Variants in NIM1K observed in about 807,000 individuals in gnomAD.
NIM1K encodes the protein serine/threonine-protein kinase NIM1.
NIM1K carries 35 observed loss-of-function variants against 37.1 expected under a neutral mutation model. The observed-to-expected ratio is 0.94, with a 90% CI of 0.72 to 1.25. The LOEUF (loss-of-function observed/expected upper bound fraction) is 1.25. Among genes scored for constraint, NIM1K ranks in the 50% most tolerant of loss-of-function variants. NIM1K has a pLI of 0.00. For missense variants in NIM1K, 564 were observed against 548.0 expected (o/e 1.03, Z -0.29); for synonymous variants, 234 against 206.6 (o/e 1.13, Z -1.14).
At chr5:43,231,229 A>G (rs1214373808) in intron 1 of NIM1K, among the ~76,000 whole-genome samples, 1 of 152,206 alleles carries the variant, frequency 6.6e-6, no homozygotes, top group African/African-American at 2.4e-5. Context: ...AGTTGGGTGG[A>G]TTGCTTGGGT....
chr5:43,276,135 C>T (rs1313067448), intron 2 of NIM1K, among the ~76,000 whole-genome samples: 5 of 152,112 alleles, frequency 3.3e-5, no homozygotes, highest in Non-Finnish European at 5.9e-5. Flanking sequence ...CCTCGTGATC[C>T]TCCCGCCTTG....
At chr5:43,219,609 C>A (rs556388841) in intron 1 of NIM1K, among the ~76,000 whole-genome samples, 1 of 152,248 alleles carries the variant, frequency 6.6e-6, no homozygotes, top group East Asian at 1.9e-4. Context: ...GATATTAAAA[C>A]AATTATTGAG....
chr5:43,268,647 G>A (rs924051628), intron 2 of NIM1K, among the ~76,000 whole-genome samples: 3 of 152,200 alleles, frequency 2.0e-5, no homozygotes, highest in African/African-American at 4.8e-5. Flanking sequence ...TTGCATATCT[G>A]TGACCTCTGG....
intron 1 of NIM1K, among the ~76,000 whole-genome samples, chr5:43,223,128 G>A (rs1254887656): frequency 7.2e-5 from 8 of 111,834 alleles, no homozygotes; most frequent in Non-Finnish European, 1.1e-4. Flanking sequence ...AACAGAGCGA[G>A]ACTCCATCTC....
chr5:43,230,625 G>C (rs1561080488), intron 1 of NIM1K, among the ~76,000 whole-genome samples: 1 of 152,200 alleles, frequency 6.6e-6, no homozygotes, highest in Non-Finnish European at 1.5e-5. Flanking sequence ...CACTCCACAG[G>C]CCAATTCAAT....
intron 2 of NIM1K, among the ~76,000 whole-genome samples, chr5:43,274,374 C>T (rs1003301086): frequency 3.4e-5 from 5 of 148,098 alleles, no homozygotes; most frequent in Non-Finnish European, 6.0e-5. Flanking sequence ...AGTGATGATA[C>T]CTTAACTGAC....
intron 2 of NIM1K, among the ~76,000 whole-genome samples, chr5:43,266,549 C>G (rs1022394528): frequency 6.6e-6 from 1 of 152,194 alleles, no homozygotes; most frequent in African/African-American, 2.4e-5. Flanking sequence ...AAAGGGGATT[C>G]CCTGACCCCT....
intron 3 of NIM1K, 80 bp downstream of exon 3, chr5:43,277,405 A>C: frequency 8.9e-6 from 13 of 1,461,840 alleles, no homozygotes; most frequent in East Asian, 2.3e-5. Context: ...ACTAACCCTC[A>C]AGTGTCCCAG....
intron 2 of NIM1K, among the ~76,000 whole-genome samples, chr5:43,262,802 G>T (rs539899987): frequency 6.6e-6 from 1 of 152,206 alleles, no homozygotes; most frequent in South Asian, 2.1e-4. Flanking sequence ...ATTTTATTGA[G>T]AATTTTTAGC....
intron 2 of NIM1K, among the ~76,000 whole-genome samples, chr5:43,270,185 C>G (rs868448294): frequency 1.3e-5 from 2 of 152,194 alleles, no homozygotes; most frequent in African/African-American, 4.8e-5. Flanking sequence ...GGACCCCAAT[C>G]CCTTCTGGCT....
intron 1 of NIM1K, among the ~76,000 whole-genome samples, chr5:43,221,267 G>C (rs754724953): frequency 1.6e-4 from 25 of 151,946 alleles, no homozygotes; most frequent in Non-Finnish European, 3.2e-4. Flanking sequence ...TTGACGTCAG[G>C]AGTTCGAGAC....
At chr5:43,215,009 A>C (rs554929951) in intron 1 of NIM1K, among the ~76,000 whole-genome samples, 43 of 152,242 alleles carry the variant, frequency 2.8e-4, no homozygotes, top group African/African-American at 1.0e-3. Context: ...GAATATTTTT[A>C]TGTTCAGGCT....
chr5:43,248,851 C>CT (rs34309370), intron 2 of NIM1K, among the ~76,000 whole-genome samples: 163 of 145,910 alleles, frequency 1.1e-3, no homozygotes, highest in South Asian at 1.1e-3. Flanking sequence ...CTTGCTCAGT[C>CT]TTTTTTTTTT....
chr5:43,269,587 T>TTGTG (rs35069343), intron 2 of NIM1K, among the ~76,000 whole-genome samples: 2 of 150,954 alleles, frequency 1.3e-5, no homozygotes, highest in South Asian at 4.2e-4. Flanking sequence ...CTGGATCCTT[T>TTGTG]TGTGTGTGTG....
chr5:43,215,414 G>A (rs1052402489), intron 1 of NIM1K, among the ~76,000 whole-genome samples: 1 of 152,092 alleles, frequency 6.6e-6, no homozygotes, highest in Non-Finnish European at 1.5e-5. Flanking sequence ...GAGTAGTAAA[G>A]GCTTAGCCAG....
At chr5:43,210,713 C>T (rs1423592226) in intron 1 of NIM1K, among the ~76,000 whole-genome samples, 1 of 152,164 alleles carries the variant, frequency 6.6e-6, no homozygotes, top group Admixed American at 6.6e-5. Flanking sequence ...TTCCCTTCAC[C>T]CTCTGCAGGT....
chr5:43,247,293 T>G (rs1026981455), intron 2 of NIM1K, among the ~76,000 whole-genome samples: 1 of 152,230 alleles, frequency 6.6e-6, no homozygotes, highest in African/African-American at 2.4e-5. Flanking sequence ...AATACTTGTC[T>G]GAGCCTTAGA....
rs1249730858 is a variant in NIM1K, at chr5:43,280,197, T to G, written c.779T>G (p.Leu260Arg). The change falls in exon 4 of 4, where the codon CTT (leucine) becomes CGT (arginine). Residue 260 changes from leucine (L) to arginine (R), a missense_variant. Physicochemically the swap from Leu to Arg is moderately radical, Grantham distance 102. Transcript: ENST00000326035. ...IYVDIWALGVLLYFMVTGTMP... is the reference protein window; with the variant it reads ...IYVDIWALGVRLYFMVTGTMP... ...GTGGATATCTGGGCCTTGGGGGTGCTTTTGTACTTCATGGTGACTGGCACC... is the reference window on the plus strand; with the variant it reads ...GTGGATATCTGGGCCTTGGGGGTGCGTTTGTACTTCATGGTGACTGGCACC... The G allele has an allele frequency of 6.2e-7, 1 of 1,614,144 alleles. No homozygotes were observed.
chr5:43,253,207 AATATATGTGTGTG>A lies in NIM1K; in HGVS notation c.292+7141_292+7153del, dbSNP rs1167979154. ...TAATATATAATATAATATATAATAT[AATATATGTGTGTG>A]TGTGTGTGTGTGTGTGTGTGTGTGT... is the stretch of plus-strand genomic sequence containing the variant. On this transcript the variant is annotated intron_variant, in intron 2 of 3. Transcript: ENST00000326035. Among the ~76,000 whole-genome samples, 232 of 77,852 alleles carry A rather than the reference AATATATGTGTGTG, an allele frequency of 3.0e-3. 2 individuals are homozygous for A. The highest frequency in any genetic ancestry group is 9.4e-3 in the African/African-American group (213 of 22,680). The allele number at this position is 77,852 out of a possible 152,430, so 51.1% of individuals were successfully genotyped here.
Sources: allele counts gnomAD v4.1 joint callset (sites outside exome capture counted in the v4.1 genomes callset), GRCh38; gene constraint gnomAD v4.1.1; transcripts MANE v1.5; gene names NCBI Gene and HGNC (gene_info 2026-07-23, HGNC 2026-07-21).